Variants in PLEKHG5 observed in about 807,000 individuals in gnomAD.
PLEKHG5 encodes the protein pleckstrin homology and RhoGEF domain containing G5.
Under a neutral mutation model 103.8 loss-of-function variants are expected in PLEKHG5, and 52 were observed. The ratio of observed to expected loss-of-function variants is 0.50; its 90% CI spans 0.40 to 0.63. The LOEUF (loss-of-function observed/expected upper bound fraction) is 0.63, where lower values mean the gene tolerates loss of function less well. Among genes scored for constraint, PLEKHG5 ranks in the 30% least tolerant of loss-of-function variants. The pLI is 0.00. For synonymous variants in PLEKHG5, 592 were observed against 575.5 expected (o/e 1.03, Z -0.41); for missense variants, 1,205 against 1,347.6 (o/e 0.89, Z 1.66).
chr1:6,500,002 A>G (rs1449826824), upstream of PLEKHG5, among the ~76,000 whole-genome samples: 1 of 151,998 alleles, frequency 6.6e-6, no homozygotes, highest in Non-Finnish European at 1.5e-5. Flanking sequence ...AGGTCTCACT[A>G]TGTTTCCCAG....
At chr1:6,470,139 A>T (rs1039677823) in intron 16 of PLEKHG5, 97 bp downstream of exon 16, 1 of 1,343,454 alleles carries the variant, frequency 7.4e-7, no homozygotes, top group South Asian at 1.3e-5. Context: ...GTTCTTGAGT[A>T]ACCACCGAAG....
At position 6,472,777 on chromosome 1, in the gene PLEKHG5, C is replaced by G. The variant is rs544735063; in HGVS notation, c.985-155G>C. On this transcript the variant is annotated intron_variant, in intron 9 of 20. Transcript: ENST00000377728. The stretch of plus-strand genomic sequence containing the variant: ...ACCCTTGACACCACATGAGTAATCA[C>G]AGTTAAGACACCCAAGATCTGGGCC... 5.6e-4 allele frequency among the ~76,000 whole-genome samples: 85 copies of G among 152,330 alleles called. 1 individual carries two copies. In the South Asian group the frequency reaches 0.017, roughly 31 times the overall value.
intron 1 of PLEKHG5, among the ~76,000 whole-genome samples, chr1:6,514,812 A>C (rs1326324383): frequency 6.6e-6 from 1 of 151,942 alleles, no homozygotes; most frequent in African/African-American, 2.4e-5. Flanking sequence ...TCAAGCCTGT[A>C]ATCCCAGCAC....
chr1:6,485,995 G>A, intron 1 of PLEKHG5: 2 of 738,010 alleles, frequency 2.7e-6, no homozygotes, highest in Non-Finnish European at 3.3e-6. Context: ...CCACCTTGGA[G>A]ACTGTGGAGC....
intron 1 of PLEKHG5, among the ~76,000 whole-genome samples, chr1:6,515,952 C>T (rs1365155084): frequency 6.6e-6 from 1 of 152,166 alleles, no homozygotes; most frequent in African/African-American, 2.4e-5. Flanking sequence ...AGACGGTGAC[C>T]ACTTACTCTG....
At chr1:6,468,955 G>T in intron 19 of PLEKHG5, 87 bp downstream of exon 19, 1 of 1,109,282 alleles carries the variant, frequency 9.0e-7, no homozygotes, top group South Asian at 1.3e-5. Context: ...GCCATTGGGA[G>T]GAAGGGAGCG....
upstream of PLEKHG5, chr1:6,496,555 C>T: frequency 1.9e-6 from 3 of 1,582,036 alleles, no homozygotes; most frequent in Non-Finnish European, 2.6e-6. Context: ...TTCTTTTCAG[C>T]GGGGCTCTGG....
chr1:6,474,808 G>A lies in PLEKHG5; in HGVS notation c.303-221C>T, dbSNP rs892249783. ...GCATACCACGGCAGACCTGTCACAC[G>A]CCTGCCCACACGCAGGCCTGGCTCC... On this transcript the variant is annotated intron_variant, in intron 5 of 20. Coordinates refer to ENST00000377728, the MANE Select transcript of PLEKHG5 (RefSeq NM_020631.6). The A allele has an allele frequency of 9.1e-6, 6 of 656,828 alleles. No individual in the cohort carries two copies. Among genetic ancestry groups the A allele is most frequent in the African/African-American group, 1.8e-5 (1 of 56,080 alleles). The allele number at this position is 656,828 out of a possible 1,614,324, so 40.7% of individuals were successfully genotyped here. A position where few individuals can be genotyped will look rare whatever the true frequency, so the allele number is the denominator to read the frequency against.
At chr1:6,474,297 C>T in intron 6 of PLEKHG5, 133 bp from the exon 7 acceptor site, 1 of 1,331,050 alleles carries the variant, frequency 7.5e-7, no homozygotes, top group South Asian at 1.2e-5. Context: ...TGCCAGCACC[C>T]TCCCCTCCCC....
chr1:6,481,409 T>C (rs1644894110), intron 1 of PLEKHG5, among the ~76,000 whole-genome samples: 1 of 152,028 alleles, frequency 6.6e-6, no homozygotes, highest in African/African-American at 2.4e-5. Context: ...CGCATGCCTG[T>C]AATCCCAGCT....
chr1:6,478,488 A>C (rs1644820465), intron 1 of PLEKHG5, among the ~76,000 whole-genome samples: 1 of 152,066 alleles, frequency 6.6e-6, no homozygotes, highest in Non-Finnish European at 1.5e-5. Context: ...CATTTTACAG[A>C]GGCCTCACCT....
chr1:6,508,312 T>C (rs2148635299), intron 1 of PLEKHG5, among the ~76,000 whole-genome samples: 1 of 152,322 alleles, frequency 6.6e-6, no homozygotes, highest in East Asian at 1.9e-4. Context: ...CATCATCTTC[T>C]GTGTTCCCTC....
upstream of PLEKHG5, among the ~76,000 whole-genome samples, chr1:6,497,577 G>A (rs1319018088): frequency 1.3e-5 from 2 of 152,044 alleles, no homozygotes; most frequent in Non-Finnish European, 1.5e-5. This position sits in a 1 kb window ranked among gnomAD's most constrained non-coding sequence, Gnocchi z 6.1. Flanking sequence ...GCGGTCCGGA[G>A]GCTGCCTCCA....
At chr1:6,480,802 C>A (rs1166093028) in intron 1 of PLEKHG5, among the ~76,000 whole-genome samples, 3 of 151,864 alleles carry the variant, frequency 2.0e-5, no homozygotes, top group African/African-American at 7.3e-5. Flanking sequence ...GCATGTACCA[C>A]CATACCCAGC....
Position 6,471,029 on chromosome 1 carries a change from G to A in PLEKHG5, c.1353C>T (p.Gly451=), listed in dbSNP as rs574478025. 6.2e-7 allele frequency: 1 copy of A among 1,606,704 alleles called. No individual in the cohort carries two copies. The highest frequency in any genetic ancestry group is 2.3e-5 in the East Asian group (1 of 44,384). ...GGAAGAGGTCGTTGTCGCGCAGCAG[G>A]CCGCGCATGTACTCCATGCAGCCCT... ...EEEGCMEYMR[G]LLRDNDLFRA... is the part of the protein sequence containing the mutation. The change falls in exon 13 of 21, where the codon GGC becomes GGT. Residue 451 remains glycine, a synonymous_variant. Transcript: ENST00000377728.
chr1:6,478,790 C>T (rs1393193689), intron 1 of PLEKHG5, among the ~76,000 whole-genome samples: 2 of 152,018 alleles, frequency 1.3e-5, no homozygotes, highest in East Asian at 1.9e-4. Context: ...ATTACAGGCA[C>T]AATCCACCAC....
intron 1 of PLEKHG5, among the ~76,000 whole-genome samples, chr1:6,504,210 G>A (rs1031070784): frequency 3.3e-5 from 5 of 152,228 alleles, no homozygotes; most frequent in Non-Finnish European, 5.9e-5. Context: ...CCCACCCTCC[G>A]ACTCCAGGAC....
At position 6,487,521 on chromosome 1, in the gene PLEKHG5, C is replaced by T. The variant is rs767465539; in HGVS notation, c.-88+4116G>A. Among the ~76,000 whole-genome samples the T allele has an allele frequency of 6.6e-6, 1 of 152,212 alleles. No homozygotes were observed. The highest frequency in any genetic ancestry group is 1.5e-5 in the Non-Finnish European group (1 of 68,038). On this transcript the variant is annotated intron_variant, in intron 1 of 20. Transcript: ENST00000377728. This position sits in a 1 kb window ranked among gnomAD's most constrained non-coding sequence, Gnocchi z 4.1. ...CCCAGCTGGTCCGCACAGGGTCCAC[C>T]TGCCGGTCTTCCTTCTCTCCCTACA...
chr1:6,483,839 C>A (rs1013557153), intron 1 of PLEKHG5, among the ~76,000 whole-genome samples: 6 of 152,240 alleles, frequency 3.9e-5, no homozygotes, highest in African/African-American at 1.4e-4. Flanking sequence ...GGGCCCTGCC[C>A]CACCTTGTCC....
Sources: gnomAD v4.1 joint callset for allele counts (sites outside exome capture counted in the v4.1 genomes callset) on GRCh38, gnomAD v4.1.1 for gene constraint, Gnocchi (gnomAD v3.1) non-coding constraint, MANE v1.5 for transcripts, NCBI Gene and HGNC (gene_info 2026-07-23, HGNC 2026-07-21) for gene names.